Variants in ZBTB18 observed in about 807,000 individuals in gnomAD.
ZBTB18 encodes the protein zinc finger and BTB domain containing 18.
A neutral mutation model predicts 37.7 loss-of-function variants in ZBTB18; 2 were observed. The observed-to-expected ratio is 0.05, with a 90% CI of 0.02 to 0.17. The LOEUF is 0.17. Ranked by LOEUF, ZBTB18 falls within the 10% of genes least tolerant of loss-of-function variation. ZBTB18 has a pLI of 1.00. For synonymous variants in ZBTB18, 304 were observed against 276.5 expected (o/e 1.10, Z -0.99); for missense variants, 408 against 686.3 (o/e 0.59, Z 4.53).
chr1:244,054,948 C>A lies in ZBTB18; in HGVS notation c.1174C>A (p.His392Asn). ...PLCNKVFPSP[H>N]ILQIHLSTHF... ...GTGCAACAAGGTCTTCCCCAGCCCC[C>A]ACATCCTGCAGATCCACCTGAGCAC... The change falls in exon 2 of 2, where the codon CAC becomes AAC. Residue 392 changes from histidine (H) to asparagine (N), a missense_variant. Transcript: ENST00000358704. This position sits in a 1 kb window ranked among gnomAD's most constrained non-coding sequence, Gnocchi z 9.0. The A allele has an allele frequency of 1.2e-6, 2 of 1,614,104 alleles. No homozygotes were observed. The highest frequency in any genetic ancestry group is 1.7e-6 in the Non-Finnish European group (2 of 1,179,990).
rs760176088 is a variant in ZBTB18 at position 244,053,960 on chromosome 1, C to T, written c.186C>T (p.Tyr62=). ...ASCSMYFHLF[Y]KDQLDKRDIV... is the part of the protein sequence containing the mutation. ...GCAGCATGTATTTCCACCTCTTTTA[C>T]AAGGACCAGCTGGACAAAAGAGACA... Residue 62 remains tyrosine (Y), a synonymous_variant, in exon 2 of 2, where the codon TAC becomes TAT. Coordinates refer to ENST00000358704, the MANE Select transcript of ZBTB18 (RefSeq NM_205768.3). This position sits in a 1 kb window ranked among gnomAD's most constrained non-coding sequence, Gnocchi z 5.2. 2.5e-6 allele frequency: 4 copies of T among 1,614,136 alleles called. No individual in the cohort carries two copies. The highest frequency in any genetic ancestry group is 1.1e-5 in the South Asian group (1 of 91,082).
At position 244,054,784 on chromosome 1, in the gene ZBTB18, G is replaced by A. The variant is rs762403277; in HGVS notation, c.1010G>A (p.Arg337Gln). Residue 337 changes from arginine (R) to glutamine (Q), a missense_variant, in exon 2 of 2, where the codon CGG becomes CAG. Arg to Gln is a conservative substitution (Grantham distance 43). Coordinates refer to ENST00000358704, the MANE Select transcript of ZBTB18 (RefSeq NM_205768.3). This position sits in a 1 kb window ranked among gnomAD's most constrained non-coding sequence, Gnocchi z 9.0. ...GACTCGGTCTTGAGGGAGCTGGACC[G>A]GGAGGACAAAGCCAGTGATGATGAG... ...REDSVLRELDREDKASDDEMM... is the reference protein window; with the variant it reads ...REDSVLRELDQEDKASDDEMM... The A allele has an allele frequency of 6.2e-6, 10 of 1,614,128 alleles. No homozygotes were observed. The highest frequency in any genetic ancestry group is 2.2e-5 in the East Asian group (1 of 44,876).
At chr1:244,050,194 C>T (rs1698319492), upstream of ZBTB18, among the ~76,000 whole-genome samples, 1 of 152,226 alleles carries the variant, frequency 6.6e-6, no homozygotes, top group Admixed American at 6.5e-5. Flanking sequence ...GGCTGGGACG[C>T]TGGCGCCTCA....
At position 244,057,202 on chromosome 1, in the gene ZBTB18, TATTA is replaced by T. The variant is rs1698492104; in HGVS notation, c.*1836_*1839del. 6.0e-6 allele frequency: 1 copy of T among 167,094 alleles called. No homozygotes were observed. The highest frequency in any genetic ancestry group is 6.5e-5 in the Admixed American group (1 of 15,290). The allele number at this position is 167,094 out of a possible 1,614,324, so 10.4% of individuals were successfully genotyped here. On this transcript the variant is annotated 3_prime_UTR_variant, in exon 2 of 2. Coordinates refer to ENST00000358704, the MANE Select transcript of ZBTB18 (RefSeq NM_205768.3). The stretch of plus-strand genomic sequence containing the variant: ...ATACAGTTTATGTTAAAATAATTTT[TATTA>T]ATTTAGAGAAGACAATCAATGTCTG...
At chr1:244,052,784 G>GAA (rs35804137) in intron 1 of ZBTB18, among the ~76,000 whole-genome samples, 4 of 140,946 alleles carry the variant, frequency 2.8e-5, no homozygotes, top group African/African-American at 7.8e-5. Context: ...GCAGAACCAG[G>GAA]AAAAAAAAAA....
chr1:244,054,840 G>A lies in ZBTB18; in HGVS notation c.1066G>A (p.Val356Met), dbSNP rs757199053. ...GACCCCAGAGAGCGAGCGTGTCCAG[G>A]TGGAGGGAGGCATGGAGAGCAGTCT... The part of the protein sequence containing the change: ...MMTPESERVQ[V>M]EGGMESSLLP... Residue 356 changes from valine to methionine, a missense_variant, in exon 2 of 2, where the codon GTG becomes ATG. Coordinates refer to ENST00000358704, the MANE Select transcript of ZBTB18 (RefSeq NM_205768.3). The surrounding 1 kb of genome is among the most constrained non-coding windows in gnomAD (Gnocchi z 9.0). 3 of 1,614,130 alleles carry A rather than the reference G, an allele frequency of 1.9e-6. No individual in the cohort carries two copies. The highest frequency in any genetic ancestry group is 2.2e-5 in the East Asian group (1 of 44,876).
At chr1:244,049,499 C>G (rs1011726186), upstream of ZBTB18, among the ~76,000 whole-genome samples, 1 of 151,544 alleles carries the variant, frequency 6.6e-6, no homozygotes, top group African/African-American at 2.4e-5. Context: ...GGTGCAGTTG[C>G]CCGGAGGCCC....
In ZBTB18 at chr1:244,055,115, C is replaced by T. The variant is rs1156247587; in HGVS notation, c.1341C>T (p.Tyr447=). The change falls in exon 2 of 2, where the codon TAC becomes TAT. Residue 447 remains tyrosine (Y), a synonymous_variant. Coordinates refer to ENST00000358704, the MANE Select transcript of ZBTB18 (RefSeq NM_205768.3). This position sits in a 1 kb window ranked among gnomAD's most constrained non-coding sequence, Gnocchi z 7.0. ...HERTHSGEKP[Y]TCTQCGKSFQ... The stretch of plus-strand genomic sequence containing the variant: ...GGACTCACTCGGGGGAGAAGCCCTA[C>T]ACATGCACCCAGTGCGGCAAGAGCT... 6.2e-7 allele frequency: 1 copy of T among 1,614,098 alleles called. No homozygotes were observed. Among genetic ancestry groups the T allele is most frequent in the African/African-American group, 1.3e-5 (1 of 74,944 alleles).
In ZBTB18 at chr1:244,055,076, C is replaced by G. The variant is rs762907652; in HGVS notation, c.1302C>G (p.Leu434=). 1.2e-6 allele frequency: 2 copies of G among 1,614,210 alleles called. No homozygotes were observed. The highest frequency in any genetic ancestry group is 1.7e-5 in the Admixed American group (1 of 60,020). Residue 434 remains leucine, a synonymous_variant, in exon 2 of 2, where the codon CTC becomes CTG. Transcript: ENST00000358704. The surrounding 1 kb of genome is among the most constrained non-coding windows in gnomAD (Gnocchi z 7.0). ...AGACTTTCTCTTGCATGTACACCCT[C>G]AAGCGCCACGAGAGGACTCACTCGG... ...CGKTFSCMYT[L]KRHERTHSGE... is the part of the protein sequence containing the mutation.
In ZBTB18 at chr1:244,053,387, A is replaced by G. The variant is rs1334582608; in HGVS notation, c.14-401A>G. 6.6e-6 allele frequency among the ~76,000 whole-genome samples: 1 copy of G among 152,134 alleles called. No homozygotes were observed. The highest frequency in any genetic ancestry group is 1.9e-4 in the East Asian group (1 of 5,198). ...ATATGTTTGGGACTTTTCTTTGTTT[A>G]TTATATGAGTTGTTCCCTTTGAAAT... On this transcript the variant is annotated intron_variant, in intron 1 of 1. Coordinates refer to ENST00000358704, the MANE Select transcript of ZBTB18 (RefSeq NM_205768.3). The surrounding 1 kb of genome is among the most constrained non-coding windows in gnomAD (Gnocchi z 5.2).
rs1572528885 is a variant in ZBTB18, at chr1:244,051,612, A to AT, written c.13+174dup. The AT allele has an allele frequency of 1.1e-5, 3 of 284,980 alleles. No homozygotes were observed. In the East Asian group the frequency reaches 5.2e-4, roughly 50 times the overall value. 17.7% of individuals were successfully genotyped at this position (284,980 alleles called of 1,614,324 possible). On this transcript the variant is annotated intron_variant, in intron 1 of 1. Coordinates refer to ENST00000358704, the MANE Select transcript of ZBTB18 (RefSeq NM_205768.3). ...AAAGTCTTGAGCTTGTTTAGTTTTA[A>AT]TTTTTTATCCCTTTTACTTGAGCGA...
In ZBTB18 at chr1:244,056,611, CCTTTTT is replaced by C. The variant is rs2148559099; in HGVS notation, c.*1250_*1255del. ...GTTCTCTCTTTTTTTTTGTTTGCTC[CCTTTTT>C]CTTTTTCTCCCCTTCCTCCTTACCC... On this transcript the variant is annotated 3_prime_UTR_variant, in exon 2 of 2. Transcript: ENST00000358704. 2.4e-5 allele frequency: 4 copies of C among 166,850 alleles called. No individual in the cohort carries two copies. In the East Asian group the frequency reaches 7.7e-4, roughly 32 times the overall value. 10.3% of individuals were successfully genotyped at this position (166,850 alleles called of 1,614,324 possible). A position where few individuals can be genotyped will look rare whatever the true frequency, so the allele number is the denominator to read the frequency against.
chr1:244,054,550 G>C lies in ZBTB18; in HGVS notation c.776G>C (p.Gly259Ala), dbSNP rs780985935. The change falls in exon 2 of 2, where the codon GGA becomes GCA. Residue 259 changes from glycine to alanine, a missense_variant. This residue lies in a region of ZBTB18 where 266 missense variants were observed against 312.0 expected (regional missense o/e 0.85). Coordinates refer to ENST00000358704, the MANE Select transcript of ZBTB18 (RefSeq NM_205768.3). This position sits in a 1 kb window ranked among gnomAD's most constrained non-coding sequence, Gnocchi z 9.0. ...LDLSVKSSLS[G>A]VENLNSSYFS... is the part of the protein sequence containing the mutation. Reference sequence around the variant, plus strand: ...CTGTCTGTCAAGTCCAGCCTTTCAGGAGTTGAAAATCTGAACAGCTCTTAT... The same window carrying C: ...CTGTCTGTCAAGTCCAGCCTTTCAGCAGTTGAAAATCTGAACAGCTCTTAT... 6.2e-7 allele frequency: 1 copy of C among 1,614,232 alleles called. No individual in the cohort carries two copies. The highest frequency in any genetic ancestry group is 8.5e-7 in the Non-Finnish European group (1 of 1,180,034).
rs1050440546 is a variant in ZBTB18, at chr1:244,056,297, C to T, written c.*927C>T. 2 of 166,894 alleles carry T rather than the reference C, an allele frequency of 1.2e-5. No individual in the cohort carries two copies. The highest frequency in any genetic ancestry group is 2.4e-5 in the African/African-American group (1 of 41,392). The allele number at this position is 166,894 out of a possible 1,614,324, so 10.3% of individuals were successfully genotyped here. On this transcript the variant is annotated 3_prime_UTR_variant, in exon 2 of 2. Transcript: ENST00000358704. ...AAAAAAAAACTGGTGTTATGAAGAA[C>T]GTAAATGCACTGTTTTTATTTTTAT...
In ZBTB18 at chr1:244,051,377, C is replaced by T. The variant is rs1572528722; in HGVS notation, c.-55C>T. 7 of 1,603,454 alleles carry T rather than the reference C, an allele frequency of 4.4e-6. No individual in the cohort carries two copies. The East Asian group carries it at 1.6e-4, about 36-fold the overall frequency. Reference sequence around the variant, plus strand: ...CTCTCTTAGTCTGCTTTTTTTCCACCGATGTAACAGACCTGGAGCCAGCAG... The same window carrying T: ...CTCTCTTAGTCTGCTTTTTTTCCACTGATGTAACAGACCTGGAGCCAGCAG... On this transcript the variant is annotated 5_prime_UTR_variant, in exon 1 of 2. Transcript: ENST00000358704.
upstream of ZBTB18, among the ~76,000 whole-genome samples, chr1:244,048,628 G>GCCCC (rs1325001619): frequency 0.019 from 1,494 of 79,164 alleles, 173 homozygotes; most frequent in South Asian, 0.05. Context: ...CCCCGCGCCC[G>GCCCC]CCCCCCCCCC....
At chr1:244,052,523 AT>A (rs2148554837) in intron 1 of ZBTB18, among the ~76,000 whole-genome samples, 1 of 152,306 alleles carries the variant, frequency 6.6e-6, no homozygotes, top group Non-Finnish European at 1.5e-5. Flanking sequence ...ACTTGCTGAG[AT>A]GGGTGGTGTG....
chr1:244,054,383 C>T lies in ZBTB18; in HGVS notation c.609C>T (p.Ile203=), dbSNP rs764288879. ...WMRLPSDSAG[I]PQAGGEAEPH... ...GATTGCCCTCAGACTCAGCAGGCAT[C>T]CCCCAGGCTGGCGGAGAGGCAGAGC... Residue 203 remains isoleucine (I), a synonymous_variant, in exon 2 of 2, where the codon ATC becomes ATT. Coordinates refer to ENST00000358704, the MANE Select transcript of ZBTB18 (RefSeq NM_205768.3). The surrounding 1 kb of genome is among the most constrained non-coding windows in gnomAD (Gnocchi z 9.0). 2.5e-6 allele frequency: 4 copies of T among 1,614,086 alleles called. No individual in the cohort carries two copies. Among genetic ancestry groups the T allele is most frequent in the African/African-American group, 1.3e-5 (1 of 74,940 alleles).
Position 244,055,542 on chromosome 1 carries a change from TAAAAG to T in ZBTB18, c.*176_*180del, listed in dbSNP as rs921125095. 4.8e-5 allele frequency: 9 copies of T among 189,214 alleles called. No homozygotes were observed. Among genetic ancestry groups the T allele is most frequent in the East Asian group, 1.5e-4 (1 of 6,552 alleles). The allele number at this position is 189,214 out of a possible 1,614,324, so 11.7% of individuals were successfully genotyped here. A position where few individuals can be genotyped will look rare whatever the true frequency, so the allele number is the denominator to read the frequency against. On this transcript the variant is annotated 3_prime_UTR_variant, in exon 2 of 2. Coordinates refer to ENST00000358704, the MANE Select transcript of ZBTB18 (RefSeq NM_205768.3). This position sits in a 1 kb window ranked among gnomAD's most constrained non-coding sequence, Gnocchi z 7.0. ...GAATCTCACTAATTTAGCATTCTGA[TAAAAG>T]AAACTTTAGAGCAAGTCAGAATAGA... is the stretch of plus-strand genomic sequence containing the variant.
Sources: allele counts gnomAD v4.1 joint callset (sites outside exome capture counted in the v4.1 genomes callset), GRCh38; gene constraint gnomAD v4.1.1; regional missense constraint gnomAD v4.1.1; non-coding constraint Gnocchi (gnomAD v3.1); transcripts MANE v1.5; gene names NCBI Gene and HGNC (gene_info 2026-07-23, HGNC 2026-07-21).